Variants in CERS3 observed in about 807,000 individuals in gnomAD.
CERS3 encodes the protein LAG1 homolog, ceramide synthase 3.
CERS3 carries 33 observed loss-of-function variants against 50.3 expected under a neutral mutation model. The ratio of observed to expected loss-of-function variants is 0.66; its 90% CI spans 0.50 to 0.88. The LOEUF is 0.88. CERS3 is among the 40% of genes least tolerant of loss of function. The probability of loss-of-function intolerance (pLI) is 0.00; values close to 1 mark genes in which losing one functional copy is unlikely to be tolerated. For missense variants in CERS3, 470 were observed against 460.3 expected (o/e 1.02, Z -0.19); for synonymous variants, 176 against 155.2 (o/e 1.13, Z -0.99).
At chr15:100,453,657 A>G (rs2034255529) in intron 11 of CERS3, among the ~76,000 whole-genome samples, 1 of 152,222 alleles carries the variant, frequency 6.6e-6, no homozygotes, top group Non-Finnish European at 1.5e-5. Context: ...CAGAGCAATC[A>G]GGCAAGAGAC....
upstream of CERS3, among the ~76,000 whole-genome samples, chr15:100,531,647 A>C (rs1191390089): frequency 6.6e-6 from 1 of 152,182 alleles, no homozygotes; most frequent in African/African-American, 2.4e-5. Flanking sequence ...GTATCAGTGC[A>C]TTGCTAAGAG....
intron 9 of CERS3, among the ~76,000 whole-genome samples, chr15:100,471,907 G>A (rs1401703387): frequency 2.6e-5 from 4 of 152,246 alleles, no homozygotes; most frequent in Non-Finnish European, 1.5e-5. Context: ...GGCTAAAGCC[G>A]ATCAGCCCTT....
chr15:100,472,119 G>C (rs1334348048), intron 9 of CERS3, among the ~76,000 whole-genome samples: 1 of 152,164 alleles, frequency 6.6e-6, no homozygotes, highest in East Asian at 1.9e-4. Flanking sequence ...GTATTCAATT[G>C]TTAGCCCTTC....
intron 11 of CERS3, among the ~76,000 whole-genome samples, chr15:100,447,745 C>A (rs1200242506): frequency 6.6e-6 from 1 of 152,192 alleles, no homozygotes; most frequent in Non-Finnish European, 1.5e-5. Flanking sequence ...GTTTCTGGGG[C>A]CTGTATGTAC....
chr15:100,430,584 A>G (rs898064322), intron 11 of CERS3, among the ~76,000 whole-genome samples: 3 of 152,210 alleles, frequency 2.0e-5, no homozygotes, highest in African/African-American at 7.2e-5. Context: ...AAGATTGTGA[A>G]TTACTCATAA....
At chr15:100,429,907 T>G (rs1647033482) in intron 11 of CERS3, among the ~76,000 whole-genome samples, 1 of 152,114 alleles carries the variant, frequency 6.6e-6, no homozygotes, top group Non-Finnish European at 1.5e-5. Context: ...AATCCGGATG[T>G]CTACACTTTT....
chr15:100,433,579 T>A (rs1225753571), intron 11 of CERS3, among the ~76,000 whole-genome samples: 1 of 152,208 alleles, frequency 6.6e-6, no homozygotes, highest in Non-Finnish European at 1.5e-5. Flanking sequence ...GAGCTCTCTG[T>A]AGGGTTGGTG....
At chr15:100,475,762 A>G (rs1352482993) in intron 8 of CERS3, 1 of 155,916 alleles carries the variant, frequency 6.4e-6, no homozygotes, top group African/African-American at 2.4e-5. Flanking sequence ...GTGGTTGTAG[A>G]ATTAATACTA....
At chr15:100,516,278 A>G (rs1374036588) in intron 2 of CERS3, among the ~76,000 whole-genome samples, 1 of 152,208 alleles carries the variant, frequency 6.6e-6, no homozygotes, top group Non-Finnish European at 1.5e-5. Flanking sequence ...TTCATATACC[A>G]CAAGCAGCTG....
chr15:100,521,575 A>C (rs954755668), intron 2 of CERS3, 92 bp downstream of exon 2: 2 of 152,234 alleles, frequency 1.3e-5, no homozygotes, highest in Non-Finnish European at 2.9e-5. Flanking sequence ...ACAATGCCAG[A>C]TATCAACTTC....
chr15:100,530,990 A>G (rs1177935912), upstream of CERS3, among the ~76,000 whole-genome samples: 3 of 152,156 alleles, frequency 2.0e-5, no homozygotes, highest in Non-Finnish European at 4.4e-5. Context: ...AGGCTGCGGC[A>G]GGAGAATTCC....
chr15:100,516,824 G>C (rs1049182355), intron 2 of CERS3, among the ~76,000 whole-genome samples: 2 of 152,208 alleles, frequency 1.3e-5, no homozygotes, highest in South Asian at 4.1e-4. Context: ...TGCAATGTCA[G>C]GTGGTTCCAA....
intron 5 of CERS3, among the ~76,000 whole-genome samples, chr15:100,484,154 T>C (rs1334045497): frequency 6.6e-6 from 1 of 152,070 alleles, no homozygotes; most frequent in Non-Finnish European, 1.5e-5. Flanking sequence ...ACAGTTGTGA[T>C]GGTTGGATAC....
At chr15:100,496,326 A>G (rs1329300729) in intron 3 of CERS3, among the ~76,000 whole-genome samples, 2 of 152,216 alleles carry the variant, frequency 1.3e-5, no homozygotes, top group Non-Finnish European at 2.9e-5. Flanking sequence ...TATAGTATAT[A>G]TGTATGTTGA....
In CERS3 at chr15:100,445,710, A is replaced by G. The variant is rs142657435; in HGVS notation, c.999+10183T>C. Among the ~76,000 whole-genome samples the G allele has an allele frequency of 7.7e-3, 1,169 of 152,258 alleles. 23 individuals carry two copies. The highest frequency in any genetic ancestry group is 0.049 in the Admixed American group (749 of 15,286). On this transcript the variant is annotated intron_variant, in intron 11 of 11. Coordinates refer to ENST00000679737, the MANE Select transcript of CERS3 (RefSeq NM_001378789.1). ...GCAGCCCTGAGAAACATCGCCCATT[A>G]TATCTCCATACCATCCCCCAAAATT...
chr15:100,483,200 C>T (rs2035367395), intron 5 of CERS3, among the ~76,000 whole-genome samples: 1 of 152,180 alleles, frequency 6.6e-6, no homozygotes, highest in African/African-American at 2.4e-5. Flanking sequence ...GATGCCATCA[C>T]CTCTAAATTC....
chr15:100,543,229 G>C (rs1172483107), intron 1 of CERS3, among the ~76,000 whole-genome samples: 1 of 152,100 alleles, frequency 6.6e-6, no homozygotes, highest in Non-Finnish European at 1.5e-5. Flanking sequence ...GTCTAATTGA[G>C]ACTGTTTATT....
intron 2 of CERS3, among the ~76,000 whole-genome samples, chr15:100,520,959 C>T (rs1025275595): frequency 5.3e-5 from 8 of 152,168 alleles, no homozygotes; most frequent in African/African-American, 9.7e-5. Context: ...AAAATTATAA[C>T]GAACAACTGT....
Position 100,455,964 on chromosome 15 carries a change from T to A in CERS3, c.928A>T (p.Ile310Phe), listed in dbSNP as rs984099071. The A allele has an allele frequency of 3.1e-6, 5 of 1,612,834 alleles. No individual in the cohort carries two copies. The highest frequency in any genetic ancestry group is 4.2e-6 in the Non-Finnish European group (5 of 1,179,046). The change falls in exon 11 of 12, where the codon ATC (isoleucine) becomes TTC (phenylalanine). Residue 310 changes from isoleucine to phenylalanine, a missense_variant. Transcript: ENST00000679737. ...CAGTAAAGGTGAAGGACCTGCAAGA[T>A]CATGAGCTGTAGGTTGAGGAAGATG... ...SYIFLNLQLM[I>F]LQVLHLYWGY...
Sources: allele counts gnomAD v4.1 joint callset (sites outside exome capture counted in the v4.1 genomes callset), GRCh38; gene constraint gnomAD v4.1.1; transcripts MANE v1.5; gene names NCBI Gene and HGNC (gene_info 2026-07-23, HGNC 2026-07-21).